DYRK2: variants seen among roughly 807,000 people sequenced by gnomAD.
The protein encoded by DYRK2 is dual specificity tyrosine phosphorylation regulated kinase 2.
DYRK2 carries 12 observed loss-of-function variants against 41.6 expected under a neutral mutation model. That is an observed-to-expected ratio of 0.29 (90% CI 0.18 to 0.47). The LOEUF is 0.47. Ranked by LOEUF, DYRK2 falls within the 20% of genes least tolerant of loss-of-function variation. The pLI, the probability that DYRK2 is intolerant of heterozygous loss-of-function variation, is 1.00. For synonymous variants in DYRK2, 322 were observed against 315.7 expected (o/e 1.02, Z -0.21); for missense variants, 678 against 798.4 (o/e 0.85, Z 1.82).
rs900322867 is a variant in DYRK2 at position 67,657,039 on chromosome 12, G to T, written c.199-67G>T. The stretch of plus-strand genomic sequence containing the variant: ...GGTTGGGGGCGGTGGTGTTGTTGGG[G>T]GTTACTTATACACCATTTGAACAGA... On this transcript the variant is annotated intron_variant, in intron 2 of 2. Coordinates refer to ENST00000344096, the MANE Select transcript of DYRK2 (RefSeq NM_006482.3). The surrounding 1 kb of genome is among the most constrained non-coding windows in gnomAD (Gnocchi z 4.8). The T allele has an allele frequency of 6.9e-7, 1 of 1,452,406 alleles. No individual in the cohort carries two copies. Among genetic ancestry groups the T allele is most frequent in the Non-Finnish European group, 9.1e-7 (1 of 1,093,194 alleles). The allele number at this position is 1,452,406 out of a possible 1,614,324, so 90.0% of individuals were successfully genotyped here. A position where few individuals can be genotyped will look rare whatever the true frequency, so the allele number is the denominator to read the frequency against.
Position 67,664,377 on chromosome 12 carries a change from A to G in DYRK2, c.*5664A>G, listed in dbSNP as rs1451143647. Reference sequence around the variant, plus strand: ...GCTGACATTTTAGGAGTATTAAGTCATCTGTCGTTAAGGAGCAGCAAGAAT... The same window carrying G: ...GCTGACATTTTAGGAGTATTAAGTCGTCTGTCGTTAAGGAGCAGCAAGAAT... On this transcript the variant is annotated 3_prime_UTR_variant, in exon 3 of 3. Coordinates refer to ENST00000344096, the MANE Select transcript of DYRK2 (RefSeq NM_006482.3). 6.6e-6 allele frequency: 1 copy of G among 152,180 alleles called. No homozygotes were observed. Among genetic ancestry groups the G allele is most frequent in the Non-Finnish European group, 1.5e-5 (1 of 68,010 alleles). The allele number at this position is 152,180 out of a possible 1,614,324, so 9.4% of individuals were successfully genotyped here.
intron 2 of DYRK2, among the ~76,000 whole-genome samples, chr12:67,651,018 T>TTGCACCTGTTAGACTTGGAGAGA (rs1391281314): frequency 1.3e-5 from 2 of 152,188 alleles, no homozygotes; most frequent in African/African-American, 4.8e-5. Flanking sequence ...TAGACTGTAG[T>TTGCACCTGTTAGACTTGGAGAGA]TGCACCTGTT....
rs1872599923 is a variant in DYRK2 at position 67,660,679 on chromosome 12, C to T, written c.*1966C>T. The T allele has an allele frequency of 6.0e-6, 1 of 167,092 alleles. No homozygotes were observed. The allele number at this position is 167,092 out of a possible 1,614,324, so 10.4% of individuals were successfully genotyped here. ...ATGCTCATGTGACAATACTCCCAAT[C>T]AATGGCTTATAGAATTTAAAGATCT... On this transcript the variant is annotated 3_prime_UTR_variant, in exon 3 of 3. Transcript: ENST00000344096.
rs1872580070 is a variant in DYRK2 at position 67,659,974 on chromosome 12, A to G, written c.*1261A>G. 6.0e-6 allele frequency: 1 copy of G among 167,034 alleles called. No homozygotes were observed. The highest frequency in any genetic ancestry group is 2.4e-5 in the African/African-American group (1 of 41,444). The allele number at this position is 167,034 out of a possible 1,614,324, so 10.3% of individuals were successfully genotyped here. A position where few individuals can be genotyped will look rare whatever the true frequency, so the allele number is the denominator to read the frequency against. ...TCTATTTTATTTTACTTTCTTTTGG[A>G]TTGCACTGATTGTTTTTGTGGGAAT... is the stretch of plus-strand genomic sequence containing the variant. On this transcript the variant is annotated 3_prime_UTR_variant, in exon 3 of 3. Transcript: ENST00000344096.
In DYRK2 at chr12:67,659,507, C is replaced by G. The variant is rs974031339; in HGVS notation, c.*794C>G. On this transcript the variant is annotated 3_prime_UTR_variant, in exon 3 of 3. Transcript: ENST00000344096. ...TTCCTCCCTTTTCTCTGCTTTTCTCCTCTCTGTTCCTCTTTTAATACCACA... is the reference window on the plus strand; with the variant it reads ...TTCCTCCCTTTTCTCTGCTTTTCTCGTCTCTGTTCCTCTTTTAATACCACA... The G allele has an allele frequency of 1.2e-5, 2 of 167,054 alleles. No homozygotes were observed. The highest frequency in any genetic ancestry group is 2.9e-5 in the Non-Finnish European group (2 of 68,126). The allele number at this position is 167,054 out of a possible 1,614,324, so 10.3% of individuals were successfully genotyped here. A position where few individuals can be genotyped will look rare whatever the true frequency, so the allele number is the denominator to read the frequency against.
rs1245659951 is a variant in DYRK2, at chr12:67,661,730, G to A, written c.*3017G>A. 6.0e-6 allele frequency: 1 copy of A among 166,886 alleles called. No individual in the cohort carries two copies. Among genetic ancestry groups the A allele is most frequent in the Non-Finnish European group, 1.5e-5 (1 of 68,058 alleles). 10.3% of individuals were successfully genotyped at this position (166,886 alleles called of 1,614,324 possible). ...ATAACCATCAGGTAGTGTTACACAA[G>A]GACTTCCTATATTTAAGGGGTTAAA... is the stretch of plus-strand genomic sequence containing the variant. On this transcript the variant is annotated 3_prime_UTR_variant, in exon 3 of 3. Transcript: ENST00000344096.
In DYRK2 at chr12:67,664,852, A is replaced by G. The variant is rs1872708053; in HGVS notation, c.*6139A>G. On this transcript the variant is annotated 3_prime_UTR_variant, in exon 3 of 3. Coordinates refer to ENST00000344096, the MANE Select transcript of DYRK2 (RefSeq NM_006482.3). ...CCCTCAGTTAATTTGTAAGAGAGTG[A>G]CTTCTCATTGTTATTTGTGGAGAGG... 1 of 152,168 alleles carries G rather than the reference A, an allele frequency of 6.6e-6. No homozygotes were observed. Among genetic ancestry groups the G allele is most frequent in the South Asian group, 2.1e-4 (1 of 4,834 alleles). 9.4% of individuals were successfully genotyped at this position (152,168 alleles called of 1,614,324 possible). A position where few individuals can be genotyped will look rare whatever the true frequency, so the allele number is the denominator to read the frequency against.
Position 67,649,159 on chromosome 12 carries a change from C to T in DYRK2, c.26C>T (p.Ala9Val), listed in dbSNP as rs748735512. The change falls in exon 1 of 3, where the codon GCC becomes GTC. Residue 9 changes from alanine to valine, a missense_variant. Coordinates refer to ENST00000344096, the MANE Select transcript of DYRK2 (RefSeq NM_006482.3). MLTRKPSA[A>V]APAAYPTGRG... ...ATGTTAACCAGGAAACCTTCGGCCG[C>T]CGCTCCCGCCGCCTACCCGACCGGT... The T allele has an allele frequency of 1.3e-5, 19 of 1,514,462 alleles. No homozygotes were observed. The highest frequency in any genetic ancestry group is 1.7e-5 in the Non-Finnish European group (19 of 1,127,522). 93.8% of individuals were successfully genotyped at this position (1,514,462 alleles called of 1,614,324 possible).
chr12:67,655,144 T>C (rs1872429298), intron 2 of DYRK2, among the ~76,000 whole-genome samples: 1 of 152,232 alleles, frequency 6.6e-6, no homozygotes, highest in African/African-American at 2.4e-5. Flanking sequence ...TTGCTTGAAG[T>C]AAATTTCTGA....
chr12:67,656,482 A>G (rs1872472025), intron 2 of DYRK2, among the ~76,000 whole-genome samples: 1 of 152,232 alleles, frequency 6.6e-6, no homozygotes, highest in African/African-American at 2.4e-5. Flanking sequence ...AGGGGTCCAT[A>G]AGATACTATG....
Position 67,660,117 on chromosome 12 carries a change from C to G in DYRK2, c.*1404C>G, listed in dbSNP as rs764105091. The stretch of plus-strand genomic sequence containing the variant: ...TTATCACTAATGTATGAGCAATGAT[C>G]TATATCAATTTCAAGGCACGTGAAA... On this transcript the variant is annotated 3_prime_UTR_variant, in exon 3 of 3. Transcript: ENST00000344096. The G allele has an allele frequency of 3.6e-5, 6 of 167,022 alleles. No individual in the cohort carries two copies. Among genetic ancestry groups the G allele is most frequent in the African/African-American group, 1.4e-4 (6 of 41,490 alleles). 10.3% of individuals were successfully genotyped at this position (167,022 alleles called of 1,614,324 possible). A position where few individuals can be genotyped will look rare whatever the true frequency, so the allele number is the denominator to read the frequency against.
rs1872678609 is a variant in DYRK2 at position 67,663,649 on chromosome 12, A to G, written c.*4936A>G. 6.6e-6 allele frequency: 1 copy of G among 152,206 alleles called. No homozygotes were observed. The highest frequency in any genetic ancestry group is 1.9e-4 in the East Asian group (1 of 5,200). The allele number at this position is 152,206 out of a possible 1,614,324, so 9.4% of individuals were successfully genotyped here. ...GAAATGTAAGTGTTAAGAGATGTGC[A>G]TTATGTACAAAATTGAAAATTGGTG... On this transcript the variant is annotated 3_prime_UTR_variant, in exon 3 of 3. Transcript: ENST00000344096.
intron 2 of DYRK2, among the ~76,000 whole-genome samples, chr12:67,656,077 C>G (rs964372388): frequency 6.6e-6 from 1 of 152,156 alleles, no homozygotes; most frequent in African/African-American, 2.4e-5. Context: ...TGCTTTAAGA[C>G]TAGGGGTTGT....
chr12:67,649,888 C>T lies in DYRK2; in HGVS notation c.141C>T (p.Pro47=), dbSNP rs1872261171. ...GGAGCGGAGTGGGGACTGGCCCGCC[C>T]TCCCCCATCGCCCTGCCGCCTCTCC... ...ATRSGVGTGP[P]SPIALPPLRA... The change falls in exon 2 of 3, where the codon CCC becomes CCT. Residue 47 remains proline, a synonymous_variant. Coordinates refer to ENST00000344096, the MANE Select transcript of DYRK2 (RefSeq NM_006482.3). 1 of 1,382,166 alleles carries T rather than the reference C, an allele frequency of 7.2e-7. No individual in the cohort carries two copies. The highest frequency in any genetic ancestry group is 9.3e-7 in the Non-Finnish European group (1 of 1,072,446). The allele number at this position is 1,382,166 out of a possible 1,614,324, so 85.6% of individuals were successfully genotyped here.
intron 2 of DYRK2, among the ~76,000 whole-genome samples, chr12:67,652,079 A>G (rs1872337972): frequency 6.6e-6 from 1 of 152,188 alleles, no homozygotes; most frequent in Admixed American, 6.5e-5. Context: ...GGAGATAAAA[A>G]TGATCTTGTC....
In DYRK2 at chr12:67,663,052, AT is replaced by A. The variant is rs1872665144; in HGVS notation, c.*4341del. On this transcript the variant is annotated 3_prime_UTR_variant, in exon 3 of 3. Coordinates refer to ENST00000344096, the MANE Select transcript of DYRK2 (RefSeq NM_006482.3). ...GCTGGGGGAGCAGAACCTGTCAATT[AT>A]TCCCCACCAGTCTTCATTCTTTTCT... 6.6e-6 allele frequency: 1 copy of A among 152,130 alleles called. No individual in the cohort carries two copies. The highest frequency in any genetic ancestry group is 2.1e-4 in the South Asian group (1 of 4,830). 9.4% of individuals were successfully genotyped at this position (152,130 alleles called of 1,614,324 possible). A position where few individuals can be genotyped will look rare whatever the true frequency, so the allele number is the denominator to read the frequency against.
chr12:67,653,191 A>G (rs1215692665), intron 2 of DYRK2, among the ~76,000 whole-genome samples: 1 of 152,202 alleles, frequency 6.6e-6, no homozygotes, highest in Non-Finnish European at 1.5e-5. Context: ...GGAATAAGCC[A>G]TGATCTCAGA....
intron 2 of DYRK2, 47 bp downstream of exon 2, chr12:67,649,992 C>T: frequency 1.5e-6 from 2 of 1,296,006 alleles, no homozygotes; most frequent in Non-Finnish European, 2.0e-6. Flanking sequence ...GCGGGAGGGG[C>T]CCCAGGCCGA....
At chr12:67,649,537 C>G (rs1872243707) in intron 1 of DYRK2, 1 of 382,170 alleles carries the variant, frequency 2.6e-6, no homozygotes, top group Non-Finnish European at 4.5e-6. Flanking sequence ...CGTGGGCCGC[C>G]TAGCCCCGGC....
Sources: gnomAD v4.1 joint callset for allele counts (sites outside exome capture counted in the v4.1 genomes callset) on GRCh38, gnomAD v4.1.1 for gene constraint, Gnocchi (gnomAD v3.1) non-coding constraint, MANE v1.5 for transcripts, NCBI Gene and HGNC (gene_info 2026-07-23, HGNC 2026-07-21) for gene names.